The following TANGO2 variants were observed in gnomAD, a reference collection of about 807,000 sequenced individuals.
TANGO2 encodes the protein transport and golgi organization 2 homolog, also known as transport and Golgi organization protein 2 homolog.
Under a neutral mutation model 39.1 loss-of-function variants are expected in TANGO2, and 26 were observed. The observed-to-expected ratio is 0.67, with a 90% CI of 0.49 to 0.92. The LOEUF (loss-of-function observed/expected upper bound fraction) is 0.92. Among genes scored for constraint, TANGO2 ranks in the 40% least tolerant of loss-of-function variants. TANGO2 has a pLI of 0.00. For missense variants in TANGO2, 326 were observed against 360.1 expected (o/e 0.91, Z 0.77); for synonymous variants, 131 against 144.5 (o/e 0.91, Z 0.67).
At chr22:20,063,195 A>AAAGAAAAG (rs2048701951) in intron 7 of TANGO2, 143 bp from the exon 8 acceptor site, 1 of 627,040 alleles carries the variant, frequency 1.6e-6, no homozygotes, top group Non-Finnish European at 2.8e-6. Flanking sequence ...AGAAGAGGAA[A>AAAGAAAAG]AAGAAAAGAA....
upstream of TANGO2, among the ~76,000 whole-genome samples, chr22:20,020,211 T>C (rs972887707): frequency 2.6e-5 from 4 of 152,204 alleles, no homozygotes; most frequent in African/African-American, 9.6e-5. Flanking sequence ...GACCCAGACA[T>C]TGGGTTTAGA....
intron 5 of TANGO2, 94 bp from the exon 6 acceptor site, chr22:20,055,849 C>G: frequency 4.3e-6 from 5 of 1,170,376 alleles, no homozygotes; most frequent in Non-Finnish European, 6.3e-6. Context: ...GCGCACATCG[C>G]TAGCCTCCAG....
At chr22:20,056,465 C>A in intron 6 of TANGO2, 1 of 459,136 alleles carries the variant, frequency 2.2e-6, no homozygotes, top group Non-Finnish European at 4.4e-6. Context: ...CAGTCTGATC[C>A]CCGGTCCCCA....
upstream of TANGO2, chr22:20,020,962 A>C (rs1447654456): frequency 6.6e-6 from 1 of 152,050 alleles, no homozygotes; most frequent in Non-Finnish European, 1.5e-5. Context: ...AGGAGGTGGC[A>C]GCCTCCGAGC....
In TANGO2 at chr22:20,066,835, A is replaced by C. The variant is rs1200764642; in HGVS notation, c.*2173A>C. Among the ~76,000 whole-genome samples, 1 of 152,046 alleles carries C rather than the reference A, an allele frequency of 6.6e-6. No homozygotes were observed. Among genetic ancestry groups the C allele is most frequent in the African/African-American group, 2.4e-5 (1 of 41,380 alleles). The stretch of plus-strand genomic sequence containing the variant: ...CCCCCGGATGTTCACCTCTGCCCAG[A>C]GACCCGGCCTGCCCAGGAAGAGCAG... On this transcript the variant is annotated 3_prime_UTR_variant, in exon 9 of 9. Coordinates refer to ENST00000327374, the MANE Select transcript of TANGO2 (RefSeq NM_152906.7).
Position 20,059,421 on chromosome 22 carries a change from G to A in TANGO2, c.452-2109G>A, listed in dbSNP as rs115780301. 5.5e-3 allele frequency among the ~76,000 whole-genome samples: 838 copies of A among 152,286 alleles called. 7 individuals carry two copies. The highest frequency in any genetic ancestry group is 0.019 in the African/African-American group (778 of 41,574). ...TACGTAGGAATGGAGTTGTTAAGTC[G>A]TATGGTAACCCTGTTTAACCTTTTG... On this transcript the variant is annotated intron_variant, in intron 6 of 8. Transcript: ENST00000327374.
At chr22:20,060,123 G>T (rs185156546) in intron 6 of TANGO2, among the ~76,000 whole-genome samples, 1 of 152,024 alleles carries the variant, frequency 6.6e-6, no homozygotes, top group African/African-American at 2.4e-5. Flanking sequence ...GCCAAGGCGG[G>T]TGGATCACAA....
At chr22:20,036,087 T>C (rs1394764794) in intron 1 of TANGO2, among the ~76,000 whole-genome samples, 2 of 152,114 alleles carry the variant, frequency 1.3e-5, no homozygotes, top group African/African-American at 4.8e-5. Flanking sequence ...GGTCGTAAGT[T>C]AAATACTTAA....
At chr22:20,064,443 C>G (rs2048942515) in intron 8 of TANGO2, 99 bp from the exon 9 acceptor site, 1 of 1,501,778 alleles carries the variant, frequency 6.7e-7, no homozygotes. Context: ...CATGGGGTTC[C>G]TAACTCTACC....
intron 1 of TANGO2, 76 bp from the exon 2 acceptor site, chr22:20,036,684 C>A (rs2042908025): frequency 1.4e-5 from 17 of 1,253,204 alleles, no homozygotes; most frequent in Admixed American, 1.7e-5. Context: ...TCTCTCTGTT[C>A]TGGCCTGTTG....
chr22:20,018,891 C>A (rs939886173), upstream of TANGO2, among the ~76,000 whole-genome samples: 6 of 152,032 alleles, frequency 3.9e-5, no homozygotes, highest in Non-Finnish European at 8.8e-5. Context: ...ACCAGCCTGG[C>A]CAACATAGCA....
chr22:20,053,220 A>C, intron 4 of TANGO2: 2 of 499,014 alleles, frequency 4.0e-6, no homozygotes, highest in Non-Finnish European at 3.7e-6. Context: ...ATAGTGGGGA[A>C]ATTTTTTTTT....
intron 1 of TANGO2, among the ~76,000 whole-genome samples, chr22:20,033,514 C>T (rs980053734): frequency 7.9e-5 from 12 of 152,212 alleles, no homozygotes; most frequent in East Asian, 1.9e-4. Flanking sequence ...GGGCTGAGGT[C>T]GGCTGAAGTT....
intron 1 of TANGO2, among the ~76,000 whole-genome samples, chr22:20,023,806 C>T (rs931812196): frequency 5.4e-5 from 8 of 148,470 alleles, no homozygotes; most frequent in Non-Finnish European, 8.9e-5. Flanking sequence ...TGCAGTGAGC[C>T]GGGATCGTGC....
chr22:20,039,744 A>G (rs1001290290), intron 2 of TANGO2, among the ~76,000 whole-genome samples: 1 of 152,022 alleles, frequency 6.6e-6, no homozygotes, highest in Non-Finnish European at 1.5e-5. Flanking sequence ...GACAGCTTCC[A>G]TGGGGTCACC....
intron 2 of TANGO2, among the ~76,000 whole-genome samples, chr22:20,038,587 T>G (rs1280113765): frequency 6.6e-6 from 1 of 152,260 alleles, no homozygotes; most frequent in Non-Finnish European, 1.5e-5. Flanking sequence ...CTGCGGGTCC[T>G]GCCATTCCAG....
intron 7 of TANGO2, among the ~76,000 whole-genome samples, chr22:20,062,111 G>A (rs918484436): frequency 2.6e-5 from 4 of 152,232 alleles, no homozygotes; most frequent in Admixed American, 1.3e-4. Context: ...CTTCCCGCAA[G>A]CGGTCTGTCC....
intron 1 of TANGO2, among the ~76,000 whole-genome samples, chr22:20,030,030 G>A (rs2531722): frequency 0.03 from 4,575 of 152,214 alleles, 112 homozygotes; most frequent in South Asian, 0.079. Context: ...GCTCCAGGAG[G>A]CAGTGGTACA....
chr22:20,042,523 G>A (rs1465782614), intron 2 of TANGO2, among the ~76,000 whole-genome samples: 5 of 152,092 alleles, frequency 3.3e-5, no homozygotes, highest in Admixed American at 1.3e-4. Flanking sequence ...CCTCCGCCTC[G>A]GAGGCCGAGG....
Sources: gnomAD v4.1 joint callset for allele counts (sites outside exome capture counted in the v4.1 genomes callset) on GRCh38, gnomAD v4.1.1 for gene constraint, MANE v1.5 for transcripts, NCBI Gene and HGNC (gene_info 2026-07-23, HGNC 2026-07-21) for gene names.